Variants in ZNF197 observed in about 807,000 individuals in gnomAD.
The protein encoded by ZNF197 is VHL-associated KRAB-A domain-containing protein.
ZNF197 carries 14 observed loss-of-function variants against 27.4 expected under a neutral mutation model. That is an observed-to-expected ratio of 0.51 (90% CI 0.34 to 0.80). The LOEUF is 0.80. ZNF197 is among the 30% of genes least tolerant of loss of function. The probability of loss-of-function intolerance (pLI) is 0.02; values close to 1 mark genes in which losing one functional copy is unlikely to be tolerated. For synonymous variants in ZNF197, 415 were observed against 420.0 expected, an observed-to-expected ratio of 0.99 and a Z score of 0.15; for missense variants, 1,090 against 1,222.6, an observed-to-expected ratio of 0.89 and a Z score of 1.62.
At chr3:44,628,497 G>A (rs866909907) in intron 1 of ZNF197, among the ~76,000 whole-genome samples, 4 of 152,176 alleles carry the variant, frequency 2.6e-5, no homozygotes, top group Admixed American at 6.5e-5. Context: ...TCCTTTCTTT[G>A]TTAATTGAGG....
Position 44,629,332 on chromosome 3 carries a change from C to T in ZNF197, c.178C>T (p.Leu60=), listed in dbSNP as rs1003110706. The T allele has an allele frequency of 1.2e-5, 19 of 1,614,174 alleles. No individual in the cohort carries two copies. The highest frequency in any genetic ancestry group is 1.5e-5 in the Non-Finnish European group (18 of 1,180,028). The stretch of plus-strand genomic sequence containing the variant: ...TGAGACATCTGGACCCCAGGAAGCC[C>T]TGAGCCGGCTCAGGGAACTCTGTCG... ...YHETSGPQEA[L]SRLRELCRRW... Residue 60 remains leucine (L), a synonymous_variant, in exon 2 of 6, where the codon CTG becomes TTG. Coordinates refer to ENST00000344387, the MANE Select transcript of ZNF197 (RefSeq NM_006991.5).
At chr3:44,630,828 C>G (rs367650373) in intron 2 of ZNF197, 5 of 664,132 alleles carry the variant, frequency 7.5e-6, no homozygotes, top group Non-Finnish European at 1.4e-5. Flanking sequence ...GGCTTCTGTT[C>G]CCACCGTTGT....
intron 5 of ZNF197, among the ~76,000 whole-genome samples, chr3:44,637,076 G>T (rs948638074): frequency 1.3e-5 from 2 of 152,128 alleles, no homozygotes; most frequent in Non-Finnish European, 2.9e-5. Flanking sequence ...TTACTAAGTT[G>T]TAAGAGTTCT....
At position 44,642,120 on chromosome 3, in the gene ZNF197, C is replaced by T; in HGVS notation, c.990C>T (p.Asp330=). The change falls in exon 6 of 6, where the codon GAC becomes GAT. Residue 330 remains aspartate, a synonymous_variant. Transcript: ENST00000344387. ...TVKKVSLCER[D]KKKRTPPEKQ... Reference sequence around the variant, plus strand: ...AGAAAGTTTCCCTTTGTGAACGAGACAAGAAGAAAAGGACTCCACCAGAGA... The same window carrying T: ...AGAAAGTTTCCCTTTGTGAACGAGATAAGAAGAAAAGGACTCCACCAGAGA... 6.2e-7 allele frequency: 1 copy of T among 1,613,844 alleles called. No individual in the cohort carries two copies. The highest frequency in any genetic ancestry group is 1.1e-5 in the South Asian group (1 of 91,048).
At chr3:44,628,268 T>G (rs1701782851) in intron 1 of ZNF197, among the ~76,000 whole-genome samples, 1 of 152,240 alleles carries the variant, frequency 6.6e-6, no homozygotes. Flanking sequence ...TTTTCTGGTT[T>G]TATAATTAGA....
At position 44,646,620 on chromosome 3, in the gene ZNF197, A is replaced by G. The variant is rs544906987; in HGVS notation, c.*2400A>G. 7 of 771,366 alleles carry G rather than the reference A, an allele frequency of 9.1e-6. No homozygotes were observed. Among genetic ancestry groups the G allele is most frequent in the African/African-American group, 7.0e-5 (4 of 57,410 alleles). 47.8% of individuals were successfully genotyped at this position (771,366 alleles called of 1,614,324 possible). On this transcript the variant is annotated 3_prime_UTR_variant, in exon 6 of 6. Transcript: ENST00000344387. ...AAAATATTATTATGATGAAAAAGAGAGGGGAGTGAAAATTGTTCAAGCTGT... is the reference window on the plus strand; with the variant it reads ...AAAATATTATTATGATGAAAAAGAGGGGGGAGTGAAAATTGTTCAAGCTGT...
rs1559475500 is a variant in ZNF197 at position 44,643,495 on chromosome 3, C to A, written c.2365C>A (p.Pro789Thr). 6.2e-7 allele frequency: 1 copy of A among 1,614,046 alleles called. No individual in the cohort carries two copies. The highest frequency in any genetic ancestry group is 8.5e-7 in the Non-Finnish European group (1 of 1,180,032). Residue 789 changes from proline (P) to threonine (T), a missense_variant, in exon 6 of 6, where the codon CCC (proline) becomes ACC (threonine). Pro to Thr is a conservative substitution (Grantham distance 38, BLOSUM62 -1). Transcript: ENST00000344387. ...TAAGAGAATCCACAGTGGTGAGAAA[C>A]CCTATGAGTGTGATGAGTGTGGCAA... ...EHKRIHSGEK[P>T]YECDECGKCF...
Position 44,644,762 on chromosome 3 carries a change from G to A in ZNF197, c.*542G>A, listed in dbSNP as rs1047989042. 8.5e-5 allele frequency: 84 copies of A among 985,408 alleles called. No individual in the cohort carries two copies. Among genetic ancestry groups the A allele is most frequent in the Non-Finnish European group, 9.8e-5 (81 of 830,016 alleles). 61.0% of individuals were successfully genotyped at this position (985,408 alleles called of 1,614,324 possible). On this transcript the variant is annotated 3_prime_UTR_variant, in exon 6 of 6. Coordinates refer to ENST00000344387, the MANE Select transcript of ZNF197 (RefSeq NM_006991.5). ...GGGCTGGGTGCAGTGGCTCACTCCT[G>A]TAGTCCCAGGACTTTGGGAGGCCGA...
intron 1 of ZNF197, 21 bp from the exon 2 acceptor site, chr3:44,629,053 T>C: frequency 6.7e-7 from 1 of 1,495,634 alleles, no homozygotes; most frequent in East Asian, 2.3e-5. Context: ...ACTTTAACAA[T>C]GATTTCTTGA....
chr3:44,646,225 G>T lies in ZNF197; in HGVS notation c.*2005G>T. 1.0e-6 allele frequency: 1 copy of T among 980,562 alleles called. No homozygotes were observed. The highest frequency in any genetic ancestry group is 4.7e-5 in the South Asian group (1 of 21,206). 60.7% of individuals were successfully genotyped at this position (980,562 alleles called of 1,614,324 possible). A position where few individuals can be genotyped will look rare whatever the true frequency, so the allele number is the denominator to read the frequency against. On this transcript the variant is annotated 3_prime_UTR_variant, in exon 6 of 6. Coordinates refer to ENST00000344387, the MANE Select transcript of ZNF197 (RefSeq NM_006991.5). Reference sequence around the variant, plus strand: ...TTCCTCATCTGTTAAACAGGAGGAAGAATATCTACCTCACAAAGTTCTTAT... The same window carrying T: ...TTCCTCATCTGTTAAACAGGAGGAATAATATCTACCTCACAAAGTTCTTAT...
rs964432225 is a variant in ZNF197, at chr3:44,644,012, A to G, written c.2882A>G (p.Asn961Ser). The G allele has an allele frequency of 1.9e-6, 3 of 1,614,102 alleles. No homozygotes were observed. The highest frequency in any genetic ancestry group is 1.3e-5 in the African/African-American group (1 of 75,038). Reference protein sequence around the residue: ...IHTGEKPYGCNDCSKVFRQRK... With the variant: ...IHTGEKPYGCSDCSKVFRQRK... ...ACAGGGGAGAAACCCTATGGGTGTAATGATTGTAGTAAAGTTTTTAGGCAA... is the reference window on the plus strand; with the variant it reads ...ACAGGGGAGAAACCCTATGGGTGTAGTGATTGTAGTAAAGTTTTTAGGCAA... Residue 961 changes from asparagine to serine, a missense_variant, in exon 6 of 6, where the codon AAT becomes AGT. By Grantham distance (46) the Asn-to-Ser change is conservative. Transcript: ENST00000344387.
chr3:44,644,828 T>C lies in ZNF197; in HGVS notation c.*608T>C. On this transcript the variant is annotated 3_prime_UTR_variant, in exon 6 of 6. Coordinates refer to ENST00000344387, the MANE Select transcript of ZNF197 (RefSeq NM_006991.5). ...TGAGCCCAGGAGTTCGAGACAAGCCTGGGTAACACGGGGAGACCCGTCTTT... is the reference window on the plus strand; with the variant it reads ...TGAGCCCAGGAGTTCGAGACAAGCCCGGGTAACACGGGGAGACCCGTCTTT... 1.0e-6 allele frequency: 1 copy of C among 976,090 alleles called. No individual in the cohort carries two copies. Among genetic ancestry groups the C allele is most frequent in the Non-Finnish European group, 1.2e-6 (1 of 821,534 alleles). The allele number at this position is 976,090 out of a possible 1,614,324, so 60.5% of individuals were successfully genotyped here.
chr3:44,643,639 C>G lies in ZNF197; in HGVS notation c.2509C>G (p.Gln837Glu), dbSNP rs750603883. ...TTACCGCTCAAACCTTATAGCCCAT[C>G]AGAGGATCCATACTGGTGAGAAGCC... ...FSYRSNLIAHQRIHTGEKPYA... is the reference protein window; with the variant it reads ...FSYRSNLIAHERIHTGEKPYA... The change falls in exon 6 of 6, where the codon CAG (glutamine) becomes GAG (glutamate). Residue 837 changes from glutamine (Q) to glutamate (E), a missense_variant. Physicochemically the swap from Gln to Glu is conservative, Grantham distance 29. Coordinates refer to ENST00000344387, the MANE Select transcript of ZNF197 (RefSeq NM_006991.5). 6.2e-7 allele frequency: 1 copy of G among 1,614,172 alleles called. No individual in the cohort carries two copies. The highest frequency in any genetic ancestry group is 8.5e-7 in the Non-Finnish European group (1 of 1,180,038).
chr3:44,630,845 TCTC>T, intron 2 of ZNF197: 1 of 688,906 alleles, frequency 1.5e-6, no homozygotes, highest in Non-Finnish European at 2.6e-6. Context: ...TTGTGTACAG[TCTC>T]CTCTGGGAGA....
rs1575497003 is a variant in ZNF197, at chr3:44,643,281, G to A, written c.2151G>A (p.Met717Ile). The change falls in exon 6 of 6, where the codon ATG becomes ATA. Residue 717 changes from methionine to isoleucine, a missense_variant. Met to Ile is a conservative substitution (Grantham distance 10). Transcript: ENST00000344387. ...GAGAGTGTGGGAAAACCTTTATTAT[G>A]AGCAAAAGTTTTATGGTCCATCAGA... ...ECRECGKTFI[M>I]SKSFMVHQKL... The A allele has an allele frequency of 6.2e-7, 1 of 1,613,984 alleles. No homozygotes were observed. Among genetic ancestry groups the A allele is most frequent in the Middle Eastern group, 1.6e-4 (1 of 6,062 alleles).
rs768812226 is a variant in ZNF197, at chr3:44,641,988, A to G, written c.858A>G (p.Arg286=). 5.6e-6 allele frequency: 9 copies of G among 1,613,658 alleles called. No individual in the cohort carries two copies. Among genetic ancestry groups the G allele is most frequent in the Non-Finnish European group, 7.6e-6 (9 of 1,179,758 alleles). ...ACTCTCATAAAGGAACATCAAAAAG[A>G]CTTCAAGGAAGTGTTCCCCAGGTCC... The part of the protein sequence containing the change: ...RADSHKGTSK[R]LQGSVPQVLD... The change falls in exon 6 of 6, where the codon AGA becomes AGG. Residue 286 remains arginine, a synonymous_variant. Coordinates refer to ENST00000344387, the MANE Select transcript of ZNF197 (RefSeq NM_006991.5).
At chr3:44,635,997 TCAC>T (rs1702264693) in intron 5 of ZNF197, among the ~76,000 whole-genome samples, 1 of 152,268 alleles carries the variant, frequency 6.6e-6, no homozygotes, top group Non-Finnish European at 1.5e-5. Context: ...TGTGCAACCA[TCAC>T]CACAATAATT....
rs1173146972 is a variant in ZNF197, at chr3:44,629,525, T to G, written c.371T>G (p.Leu124Arg). 4 of 1,567,846 alleles carry G rather than the reference T, an allele frequency of 2.6e-6. No homozygotes were observed. The highest frequency in any genetic ancestry group is 3.4e-6 in the Non-Finnish European group (4 of 1,159,658). ...CTGGTAGAGGAGCTGCAGAAAGACCTTGATGGACCAGCAATACAAGTGAGA... is the reference window on the plus strand; with the variant it reads ...CTGGTAGAGGAGCTGCAGAAAGACCGTGATGGACCAGCAATACAAGTGAGA... ...VALVEELQKD[L>R]DGPAIQVPVL... is the part of the protein sequence containing the mutation. The change falls in exon 2 of 6, where the codon CTT (leucine) becomes CGT (arginine). Residue 124 changes from leucine (L) to arginine (R), a missense_variant. By Grantham distance (102) the Leu-to-Arg change is moderately radical. Coordinates refer to ENST00000344387, the MANE Select transcript of ZNF197 (RefSeq NM_006991.5).
rs1702923525 is a variant in ZNF197 at position 44,645,832 on chromosome 3, C to CG, written c.*1612_*1613insG. The CG allele has an allele frequency of 1.0e-6, 1 of 985,334 alleles. No individual in the cohort carries two copies. Among genetic ancestry groups the CG allele is most frequent in the Non-Finnish European group, 1.2e-6 (1 of 829,952 alleles). 61.0% of individuals were successfully genotyped at this position (985,334 alleles called of 1,614,324 possible). A position where few individuals can be genotyped will look rare whatever the true frequency, so the allele number is the denominator to read the frequency against. On this transcript the variant is annotated 3_prime_UTR_variant, in exon 6 of 6. Transcript: ENST00000344387. ...AGTGCAGAATCCACTTGTGGGCAGTCAGTGCCCATTACCCCCTGTGAACCA... is the reference window on the plus strand; with the variant it reads ...AGTGCAGAATCCACTTGTGGGCAGTCGAGTGCCCATTACCCCCTGTGAACCA...
Sources: allele counts gnomAD v4.1 joint callset (sites outside exome capture counted in the v4.1 genomes callset), GRCh38; gene constraint gnomAD v4.1.1; transcripts MANE v1.5; gene names NCBI Gene and HGNC (gene_info 2026-07-23, HGNC 2026-07-21).